The following NR3C1 variants were observed in gnomAD, a reference collection of about 807,000 sequenced individuals.
NR3C1 encodes the protein nuclear receptor subfamily 3 group C member 1, also known as glucocorticoid receptor.
In NR3C1, 14 loss-of-function variants were observed where a neutral mutation model predicts 74.0. That is an observed-to-expected ratio of 0.19 (90% confidence interval 0.12 to 0.30). The LOEUF is 0.30. Among genes scored for constraint, NR3C1 ranks in the 10% least tolerant of loss-of-function variants. NR3C1 has a pLI of 1.00. For missense variants in NR3C1, 695 were observed against 909.8 expected, an observed-to-expected ratio of 0.76 and a Z score of 3.04; for synonymous variants, 308 against 332.5, an observed-to-expected ratio of 0.93 and a Z score of 0.80.
intron 1 of NR3C1, among the ~76,000 whole-genome samples, chr5:143,418,636 G>A (rs966741521): frequency 6.6e-6 from 1 of 152,182 alleles, no homozygotes; most frequent in African/African-American, 2.4e-5. Flanking sequence ...CACAGGGTGT[G>A]AAGGGGCACA....
intron 2 of NR3C1, among the ~76,000 whole-genome samples, chr5:143,370,274 C>A (rs1017584000): frequency 6.6e-6 from 1 of 152,164 alleles, no homozygotes; most frequent in Admixed American, 6.5e-5. Flanking sequence ...GACTTTATAG[C>A]ACCTTGGAAT....
chr5:143,347,464 T>A (rs1204376429), intron 2 of NR3C1, among the ~76,000 whole-genome samples: 1 of 152,196 alleles, frequency 6.6e-6, no homozygotes, highest in Non-Finnish European at 1.5e-5. Context: ...TAGTAAAGAA[T>A]TAAAGGCCCC....
At chr5:143,293,825 T>G in intron 7 of NR3C1, 1 of 906,858 alleles carries the variant, frequency 1.1e-6, no homozygotes, top group South Asian at 5.1e-5. Context: ...AAAAATCATA[T>G]AGCTCAATTA....
upstream of NR3C1, among the ~76,000 whole-genome samples, chr5:143,408,438 CT>C (rs34580792): frequency 5.0e-3 from 765 of 151,884 alleles, 9 homozygotes; most frequent in African/African-American, 0.017. Context: ...TATTTTCCCC[CT>C]TTTTTTTAAA....
upstream of NR3C1, chr5:143,404,160 A>G (rs72557315): frequency 4.1e-6 from 4 of 985,330 alleles, no homozygotes; most frequent in African/African-American, 7.0e-5. Context: ...GCGGGCCACA[A>G]GAGCCGGGGC....
rs1830838533 is a variant in NR3C1 at position 143,354,812 on chromosome 5, A to T, written c.1185-40644T>A. On this transcript the variant is annotated intron_variant, in intron 2 of 8. Transcript: ENST00000394464. Reference sequence around the variant, plus strand: ...GTGGCACACGCCTGTAGGCCCGGCTACTGGGGAGGCTGAGGCAGGAGGATT... The same window carrying T: ...GTGGCACACGCCTGTAGGCCCGGCTTCTGGGGAGGCTGAGGCAGGAGGATT... 2.6e-5 allele frequency among the ~76,000 whole-genome samples: 4 copies of T among 151,876 alleles called. No individual in the cohort carries two copies. The South Asian group carries it at 8.3e-4, about 32-fold the overall frequency.
chr5:143,351,408 T>C (rs1237166251), intron 2 of NR3C1, among the ~76,000 whole-genome samples: 1 of 152,154 alleles, frequency 6.6e-6, no homozygotes, highest in Non-Finnish European at 1.5e-5. Context: ...AATGCTGACT[T>C]TAAAAAAATT....
At chr5:143,343,359 C>T (rs1828614570) in intron 2 of NR3C1, among the ~76,000 whole-genome samples, 1 of 152,174 alleles carries the variant, frequency 6.6e-6, no homozygotes, top group Non-Finnish European at 1.5e-5. Flanking sequence ...GGTTGCTTGA[C>T]CTGATAGTCT....
At position 143,309,073 on chromosome 5, in the gene NR3C1, CTTTTTT is replaced by C. The variant is rs397830399; in HGVS notation, c.1468+1018_1468+1023del. Among the ~76,000 whole-genome samples the C allele has an allele frequency of 1.2e-3, 162 of 134,430 alleles. 1 individual carries two copies. Among genetic ancestry groups the C allele is most frequent in the Admixed American group, 2.9e-3 (39 of 13,310 alleles). The allele number at this position is 134,430 out of a possible 152,430, so 88.2% of individuals were successfully genotyped here. ...CTAACTTATAACTAGTTTCAGGTTT[CTTTTTT>C]TTTTTTTTTTTCCAAGACGGAGTCT... On this transcript the variant is annotated intron_variant, in intron 4 of 8. Coordinates refer to ENST00000394464, the MANE Select transcript of NR3C1 (RefSeq NM_000176.3).
At chr5:143,429,977 G>A (rs1751727383) in intron 1 of NR3C1, among the ~76,000 whole-genome samples, 4 of 151,938 alleles carry the variant, frequency 2.6e-5, no homozygotes, top group Admixed American at 2.6e-4. Context: ...TGTTACTCGG[G>A]AGGCTGAGGC....
At chr5:143,419,297 G>A (rs1000029185) in intron 1 of NR3C1, among the ~76,000 whole-genome samples, 1 of 152,022 alleles carries the variant, frequency 6.6e-6, no homozygotes, top group Non-Finnish European at 1.5e-5. Context: ...CTCTTCCAAG[G>A]ACACGGGCAT....
At chr5:143,373,562 G>A (rs865866975) in intron 2 of NR3C1, among the ~76,000 whole-genome samples, 3 of 151,826 alleles carry the variant, frequency 2.0e-5, no homozygotes, top group African/African-American at 7.3e-5. Flanking sequence ...GTATACCTAC[G>A]TAACAAACCT....
upstream of NR3C1, chr5:143,405,431 T>C: frequency 2.3e-6 from 2 of 860,602 alleles, no homozygotes; most frequent in Non-Finnish European, 2.8e-6. Flanking sequence ...GCCATCTTGG[T>C]AGGGTACAGT....
At chr5:143,346,045 T>C (rs944791379) in intron 2 of NR3C1, among the ~76,000 whole-genome samples, 2 of 152,196 alleles carry the variant, frequency 1.3e-5, no homozygotes, top group African/African-American at 4.8e-5. Context: ...CTCTTCACCA[T>C]TATGCTAAAC....
intron 2 of NR3C1, among the ~76,000 whole-genome samples, chr5:143,356,760 T>C (rs1025662475): frequency 6.6e-6 from 1 of 152,080 alleles, no homozygotes; most frequent in Non-Finnish European, 1.5e-5. Flanking sequence ...TTTATAAACA[T>C]ATACTTTTTG....
chr5:143,424,075 G>GTGGGGA (rs1462970257), intron 1 of NR3C1, among the ~76,000 whole-genome samples: 4 of 147,442 alleles, frequency 2.7e-5, no homozygotes, highest in African/African-American at 5.1e-5. Context: ...GGTGTGGGGA[G>GTGGGGA]GGGGGAGGGA....
intron 2 of NR3C1, among the ~76,000 whole-genome samples, chr5:143,368,635 C>T (rs550296463): frequency 1.3e-5 from 2 of 151,506 alleles, no homozygotes; most frequent in East Asian, 3.9e-4. Flanking sequence ...GACATTTCTT[C>T]AAAGAAAATA....
intron 7 of NR3C1, among the ~76,000 whole-genome samples, chr5:143,288,558 A>G (rs1815099769): frequency 6.6e-6 from 1 of 151,428 alleles, no homozygotes; most frequent in Non-Finnish European, 1.5e-5. Context: ...TGGCATGATC[A>G]TGGCTCACTG....
At chr5:143,305,119 A>G (rs1306739670) in intron 4 of NR3C1, among the ~76,000 whole-genome samples, 5 of 152,196 alleles carry the variant, frequency 3.3e-5, no homozygotes, top group African/African-American at 1.2e-4. Flanking sequence ...ATATTTGCAA[A>G]CTATGCATCT....
Sources: gnomAD v4.1 joint callset for allele counts (sites outside exome capture counted in the v4.1 genomes callset) on GRCh38, gnomAD v4.1.1 for gene constraint, MANE v1.5 for transcripts, NCBI Gene and HGNC (gene_info 2026-07-23, HGNC 2026-07-21) for gene names.